The following ACOT6 variants were observed in gnomAD, a reference collection of about 807,000 sequenced individuals.
ACOT6 encodes acyl-coenzyme A thioesterase 6.
A neutral mutation model predicts 12.3 loss-of-function variants in ACOT6; 14 were observed. The observed-to-expected ratio is 1.14, with a 90% CI of 0.75 to 1.78. The LOEUF is 1.78. Ranked by LOEUF, ACOT6 falls within the 40% of genes most tolerant of loss-of-function variation. The pLI, the probability that ACOT6 is intolerant of heterozygous loss-of-function variation, is 0.00. For synonymous variants in ACOT6, 218 were observed against 231.3 expected, an observed-to-expected ratio of 0.94 and a Z score of 0.52; for missense variants, 523 against 551.8, an observed-to-expected ratio of 0.95 and a Z score of 0.52.
At position 73,612,987 on chromosome 14, in the gene ACOT6, T is replaced by G. The variant is rs1890474668; in HGVS notation, c.416T>G (p.Val139Gly). The change falls in exon 1 of 3, where the codon GTG (valine) becomes GGG (glycine). Residue 139 changes from valine (V) to glycine (G), a missense_variant. Transcript: ENST00000645972. ...FLRPGVRREP[V>G]RAGPVRAALF... ...CGGCCGGGGGTGCGGCGCGAGCCGG[T>G]GCGCGCGGGCCCGGTGCGCGCCGCG... 9.2e-7 allele frequency: 1 copy of G among 1,082,060 alleles called. No homozygotes were observed. Among genetic ancestry groups the G allele is most frequent in the Non-Finnish European group, 1.2e-6 (1 of 800,394 alleles). The allele number at this position is 1,082,060 out of a possible 1,614,324, so 67.0% of individuals were successfully genotyped here. A position where few individuals can be genotyped will look rare whatever the true frequency, so the allele number is the denominator to read the frequency against.
rs1030634515 is a variant in ACOT6 at position 73,612,772 on chromosome 14, G to A, written c.201G>A (p.Ala67=). 7 of 1,367,876 alleles carry A rather than the reference G, an allele frequency of 5.1e-6. No individual in the cohort carries two copies. In the East Asian group the frequency reaches 1.8e-4, roughly 36 times the overall value. The allele number at this position is 1,367,876 out of a possible 1,614,324, so 84.7% of individuals were successfully genotyped here. A position where few individuals can be genotyped will look rare whatever the true frequency, so the allele number is the denominator to read the frequency against. Residue 67 remains alanine, a synonymous_variant, in exon 1 of 3, where the codon GCG becomes GCA. Transcript: ENST00000645972. ...AGCTGGACCTGGAGCGCGCGCCCGC[G>A]CTGGGAGGCAGCTTCGCGGGGCTCC... ...RDELDLERAP[A]LGGSFAGLQP... is the part of the protein sequence containing the mutation.
chr14:73,618,008 T>C (rs544466004), intron 2 of ACOT6, among the ~76,000 whole-genome samples: 5 of 152,012 alleles, frequency 3.3e-5, no homozygotes, highest in African/African-American at 1.2e-4. Flanking sequence ...CTGGGCATGG[T>C]GGTGCACACC....
In ACOT6 at chr14:73,612,919, C is replaced by T. The variant is rs1056420089; in HGVS notation, c.348C>T (p.Pro116=). ...LEVLDGHDTE[P]GRLLCLAQNK... ...TGCTGGACGGCCACGACACCGAGCC[C>T]GGGCGGCTGCTGTGCCTGGCGCAGA... The change falls in exon 1 of 3, where the codon CCC becomes CCT. Residue 116 remains proline, a synonymous_variant. Coordinates refer to ENST00000645972, the MANE Select transcript of ACOT6 (RefSeq NM_001365788.1). 60 of 1,352,810 alleles carry T rather than the reference C, an allele frequency of 4.4e-5. No homozygotes were observed. The East Asian group carries it at 1.1e-3, about 24-fold the overall frequency. The allele number at this position is 1,352,810 out of a possible 1,614,324, so 83.8% of individuals were successfully genotyped here. A position where few individuals can be genotyped will look rare whatever the true frequency, so the allele number is the denominator to read the frequency against.
In ACOT6 at chr14:73,612,771, C is replaced by T. The variant is rs1890469196; in HGVS notation, c.200C>T (p.Ala67Val). The T allele has an allele frequency of 7.3e-7, 1 of 1,368,110 alleles. No homozygotes were observed. The highest frequency in any genetic ancestry group is 9.4e-7 in the Non-Finnish European group (1 of 1,066,896). 84.7% of individuals were successfully genotyped at this position (1,368,110 alleles called of 1,614,324 possible). ...GAGCTGGACCTGGAGCGCGCGCCCG[C>T]GCTGGGAGGCAGCTTCGCGGGGCTC... is the stretch of plus-strand genomic sequence containing the variant. ...RDELDLERAP[A>V]LGGSFAGLQP... Residue 67 changes from alanine to valine, a missense_variant, in exon 1 of 3, where the codon GCG (alanine) becomes GTG (valine). Ala to Val is a moderately conservative substitution (Grantham distance 64). Transcript: ENST00000645972.
At chr14:73,613,164 G>C in intron 1 of ACOT6, 132 bp downstream of exon 1, 1 of 460,916 alleles carries the variant, frequency 2.2e-6, no homozygotes. Flanking sequence ...TCTGAGTCTG[G>C]GCGTCCGCTG....
intron 2 of ACOT6, 88 bp downstream of exon 2, chr14:73,617,280 A>G: frequency 7.7e-6 from 12 of 1,549,306 alleles, no homozygotes; most frequent in Non-Finnish European, 1.1e-5. Context: ...AACACTGAGA[A>G]CTAGAAACAT....
At chr14:73,616,957 C>T (rs1328118341) in intron 1 of ACOT6, 37 bp from the exon 2 acceptor site, 1 of 617,966 alleles carries the variant, frequency 1.6e-6, no homozygotes, top group Non-Finnish European at 2.9e-6. Flanking sequence ...TTTTGAGAAA[C>T]TAAAGCTCCC....
Position 73,617,839 on chromosome 14 carries a change from ATAAT to A in ACOT6, c.660+659_660+662del, listed in dbSNP as rs545922321. 3.8e-3 allele frequency among the ~76,000 whole-genome samples: 571 copies of A among 152,262 alleles called. 8 individuals carry two copies. Among genetic ancestry groups the A allele is most frequent in the Admixed American group, 0.025 (385 of 15,280 alleles). ...AGAAAGTCCTTATCTGATAACAGAA[ATAAT>A]TAATTAATTAAAACATTTTGGCCAG... On this transcript the variant is annotated intron_variant, in intron 2 of 2. Transcript: ENST00000645972.
Position 73,619,877 on chromosome 14 carries a change from C to G in ACOT6, c.*38C>G, listed in dbSNP as rs1890602149. ...AGACCAGATACCATTAATAAAAATC[C>G]TATTCATACAACTTGTGTTGGGTTT... On this transcript the variant is annotated 3_prime_UTR_variant, in exon 3 of 3. Transcript: ENST00000645972. 6.6e-7 allele frequency: 1 copy of G among 1,519,576 alleles called. No individual in the cohort carries two copies. Among genetic ancestry groups the G allele is most frequent in the Non-Finnish European group, 8.7e-7 (1 of 1,143,650 alleles). 94.1% of individuals were successfully genotyped at this position (1,519,576 alleles called of 1,614,324 possible). A position where few individuals can be genotyped will look rare whatever the true frequency, so the allele number is the denominator to read the frequency against.
intron 1 of ACOT6, among the ~76,000 whole-genome samples, chr14:73,614,385 A>G (rs1890498779): frequency 6.6e-6 from 1 of 152,134 alleles, no homozygotes; most frequent in Non-Finnish European, 1.5e-5. Flanking sequence ...TGGGTCTTAC[A>G]GATTTCTAAA....
intron 1 of ACOT6, among the ~76,000 whole-genome samples, chr14:73,615,567 C>T (rs1890524482): frequency 6.6e-6 from 1 of 151,600 alleles, no homozygotes; most frequent in East Asian, 1.9e-4. Context: ...CCCATCTCTA[C>T]TAAAAATACA....
upstream of ACOT6, among the ~76,000 whole-genome samples, chr14:73,611,874 AC>A (rs886432728): frequency 5.3e-5 from 8 of 152,126 alleles, no homozygotes; most frequent in Non-Finnish European, 1.2e-4. Context: ...GGGGTAAAGG[AC>A]GGATTACGAC....
chr14:73,618,437 A>G (rs1457590508), intron 2 of ACOT6, among the ~76,000 whole-genome samples: 4 of 151,010 alleles, frequency 2.6e-5, no homozygotes, highest in South Asian at 2.1e-4. Context: ...GTCCACACAT[A>G]TGTGTGAGAG....
In ACOT6 at chr14:73,619,587, C is replaced by A. The variant is rs151099913; in HGVS notation, c.1014C>A (p.Ala338=). The A allele has an allele frequency of 3.1e-6, 5 of 1,614,176 alleles. No homozygotes were observed. The African/African-American group carries it at 6.7e-5, about 22-fold the overall frequency. The change falls in exon 3 of 3, where the codon GCC becomes GCA. Residue 338 remains alanine (A), a synonymous_variant. Transcript: ENST00000645972. ...AGAGTGAATTCTATGCTCAGATAGCCTCTGAAAGGCTACAAGCTCATGGGA... is the reference window on the plus strand; with the variant it reads ...AGAGTGAATTCTATGCTCAGATAGCATCTGAAAGGCTACAAGCTCATGGGA... ...SWKSEFYAQI[A]SERLQAHGKE...
intron 2 of ACOT6, 41 bp downstream of exon 2, chr14:73,617,233 A>T: frequency 6.2e-7 from 1 of 1,613,866 alleles, no homozygotes; most frequent in Non-Finnish European, 8.5e-7. Flanking sequence ...GAGAGGGGAT[A>T]GAGCTGATGC....
chr14:73,614,610 A>T (rs1820856913), intron 1 of ACOT6, among the ~76,000 whole-genome samples: 1 of 151,590 alleles, frequency 6.6e-6, no homozygotes, highest in Admixed American at 6.6e-5. Context: ...AGCCAGGCAT[A>T]GTGGCTCACA....
intron 1 of ACOT6, 44 bp from the exon 2 acceptor site, chr14:73,616,950 T>G: frequency 1.6e-6 from 1 of 613,734 alleles, no homozygotes; most frequent in East Asian, 2.6e-5. Flanking sequence ...TACTGTCTTT[T>G]GAGAAACTAA....
rs199862939 is a variant in ACOT6 at position 73,619,378 on chromosome 14, G to T, written c.805G>T (p.Asp269Tyr). 2 of 1,614,098 alleles carry T rather than the reference G, an allele frequency of 1.2e-6. No homozygotes were observed. The highest frequency in any genetic ancestry group is 2.7e-5 in the African/African-American group (2 of 75,030). ...CACAGTAGCTCCTCTACATTACAAG[G>T]ATATGATTATTCCTAAACTTGTCGA... ...ANTVAPLHYK[D>Y]MIIPKLVDDL... Residue 269 changes from aspartate to tyrosine, a missense_variant, in exon 3 of 3, where the codon GAT becomes TAT. By Grantham distance (160) the Asp-to-Tyr change is radical. Transcript: ENST00000645972.
chr14:73,617,054 G>A lies in ACOT6; in HGVS notation c.522G>A (p.Arg174=), dbSNP rs1195067189. ...FGSSRGLCEY[R]ASLLAGHGFA... ...GCAGCAGGGGCCTTTGTGAATACAG[G>A]GCCAGCCTCCTGGCCGGACATGGTT... The change falls in exon 2 of 3, where the codon AGG becomes AGA. Residue 174 remains arginine, a synonymous_variant. Coordinates refer to ENST00000645972, the MANE Select transcript of ACOT6 (RefSeq NM_001365788.1). 3 of 1,269,698 alleles carry A rather than the reference G, an allele frequency of 2.4e-6. No individual in the cohort carries two copies. The highest frequency in any genetic ancestry group is 4.6e-5 in the East Asian group (2 of 43,098). 78.7% of individuals were successfully genotyped at this position (1,269,698 alleles called of 1,614,324 possible). A position where few individuals can be genotyped will look rare whatever the true frequency, so the allele number is the denominator to read the frequency against.
Sources: gnomAD v4.1 joint callset for allele counts (sites outside exome capture counted in the v4.1 genomes callset) on GRCh38, gnomAD v4.1.1 for gene constraint, MANE v1.5 for transcripts, NCBI Gene and HGNC (gene_info 2026-07-23, HGNC 2026-07-21) for gene names.